The following RMST variants were observed in gnomAD, a reference collection of about 807,000 sequenced individuals.
RMST encodes the protein rhabdomyosarcoma 2 associated transcript.
intron 11 of RMST, among the ~76,000 whole-genome samples, chr12:97,547,000 A>G (rs1025523124): frequency 5.9e-5 from 9 of 151,648 alleles, no homozygotes; most frequent in Non-Finnish European, 1.3e-4. Flanking sequence ...CTATCTTTCT[A>G]TGAGTTAAAC....
At chr12:97,484,207 A>G (rs79785314) in intron 5 of RMST, among the ~76,000 whole-genome samples, 3,245 of 152,248 alleles carry the variant, frequency 0.021, 123 homozygotes, top group African/African-American at 0.074. Context: ...ATTTTTGTAT[A>G]AATGTGTGTG....
intron 5 of RMST, among the ~76,000 whole-genome samples, chr12:97,466,143 A>G (rs1873154985): frequency 6.6e-6 from 1 of 152,218 alleles, no homozygotes; most frequent in African/African-American, 2.4e-5. Flanking sequence ...TAAAGGAGCC[A>G]ATAAGCATGC....
At chr12:97,474,732 GA>G (rs79088838) in intron 5 of RMST, among the ~76,000 whole-genome samples, 21,616 of 151,146 alleles carry the variant, frequency 0.14, 1,552 homozygotes, top group East Asian at 0.16. Flanking sequence ...AAAATATGTG[GA>G]AAAAAAATTG....
intron 5 of RMST, among the ~76,000 whole-genome samples, chr12:97,469,186 G>T (rs938976661): frequency 7.4e-6 from 1 of 135,636 alleles, no homozygotes; most frequent in African/African-American, 2.9e-5. Flanking sequence ...GTGTGTATGT[G>T]TGTATATATA....
intron 5 of RMST, among the ~76,000 whole-genome samples, chr12:97,491,056 T>C (rs1379747304): frequency 6.6e-6 from 1 of 152,230 alleles, no homozygotes; most frequent in East Asian, 1.9e-4. Flanking sequence ...GTGTATGTCA[T>C]AGATAACAGT....
intron 10 of RMST, among the ~76,000 whole-genome samples, chr12:97,502,324 C>T (rs1261557263): frequency 6.6e-6 from 1 of 152,122 alleles, no homozygotes; most frequent in African/African-American, 2.4e-5. Flanking sequence ...ATGGAGTGCA[C>T]ACTTATGCAC....
intron 4 of RMST, among the ~76,000 whole-genome samples, chr12:97,464,144 G>A (rs1473610128): frequency 6.6e-6 from 1 of 152,170 alleles, no homozygotes; most frequent in African/African-American, 2.4e-5. Context: ...ACACATAGAT[G>A]AGAATTCTTT....
At chr12:97,524,011 G>A (rs1880797831) in intron 10 of RMST, among the ~76,000 whole-genome samples, 1 of 140,016 alleles carries the variant, frequency 7.1e-6, no homozygotes, top group Non-Finnish European at 1.5e-5. Context: ...GGGAGGCGGA[G>A]CTTGCAGTGA....
At chr12:97,512,096 T>C (rs1364698048) in intron 10 of RMST, among the ~76,000 whole-genome samples, 1 of 152,150 alleles carries the variant, frequency 6.6e-6, no homozygotes, top group African/African-American at 2.4e-5. Flanking sequence ...CGTTCGGATG[T>C]GTTCAGAGTT....
intron 5 of RMST, among the ~76,000 whole-genome samples, chr12:97,472,381 G>A (rs1192719069): frequency 1.3e-5 from 2 of 152,050 alleles, no homozygotes; most frequent in African/African-American, 4.8e-5. Context: ...ATATGGTATA[G>A]TGCAGAATGC....
At chr12:97,521,937 G>C (rs1880557893) in intron 10 of RMST, among the ~76,000 whole-genome samples, 1 of 152,062 alleles carries the variant, frequency 6.6e-6, no homozygotes, top group African/African-American at 2.4e-5. Flanking sequence ...CCCTGATTTT[G>C]TTTGTTTTAG....
intron 10 of RMST, among the ~76,000 whole-genome samples, chr12:97,519,214 G>A (rs1395118782): frequency 6.6e-6 from 1 of 152,064 alleles, no homozygotes; most frequent in Non-Finnish European, 1.5e-5. Context: ...TCTTCTCTTT[G>A]TCTCTGACAG....
At chr12:97,553,545 A>T (rs1883462249) in intron 11 of RMST, among the ~76,000 whole-genome samples, 1 of 152,270 alleles carries the variant, frequency 6.6e-6, no homozygotes, top group Non-Finnish European at 1.5e-5. Context: ...AGGTGGTTGC[A>T]GGTTGTGGGC....
chr12:97,497,773 A>G (rs1877614202), intron 10 of RMST, among the ~76,000 whole-genome samples: 1 of 152,068 alleles, frequency 6.6e-6, no homozygotes, highest in Non-Finnish European at 1.5e-5. Context: ...AAACACATAT[A>G]ATGTGAATTA....
intron 10 of RMST, among the ~76,000 whole-genome samples, chr12:97,524,095 A>AAAAAAAAAAAAAAAAAAAAAAAAAC (rs1211291403): frequency 6.8e-6 from 1 of 147,266 alleles, no homozygotes; most frequent in Non-Finnish European, 1.5e-5. Context: ...AAAAAAAAAA[A>AAAAAAAAAAAAAAAAAAAAAAAAAC]AAAAAAAATC....
intron 11 of RMST, among the ~76,000 whole-genome samples, chr12:97,555,466 G>A (rs1883636717): frequency 1.3e-5 from 2 of 152,248 alleles, no homozygotes; most frequent in South Asian, 4.1e-4. Context: ...TTAGCATATA[G>A]TAGAGGCTAA....
intron 5 of RMST, among the ~76,000 whole-genome samples, chr12:97,473,203 T>C (rs1296376195): frequency 3.3e-5 from 5 of 152,110 alleles, no homozygotes; most frequent in Admixed American, 6.6e-5. Flanking sequence ...TAAAGGCTAA[T>C]TCTTGGAAAT....
intron 11 of RMST, among the ~76,000 whole-genome samples, chr12:97,555,785 T>C (rs1222402421): frequency 6.6e-6 from 1 of 152,260 alleles, no homozygotes; most frequent in African/African-American, 2.4e-5. Flanking sequence ...GCAGTAATGC[T>C]GTGCAGGAAA....
At chr12:97,530,118 C>T in intron 10 of RMST, among the ~76,000 whole-genome samples, 1 of 152,080 alleles carries the variant, frequency 6.6e-6, no homozygotes, top group Non-Finnish European at 1.5e-5. Flanking sequence ...AAAGCTGGCT[C>T]TGCTGGGTAA....
Sources: gnomAD v4.1 joint callset for allele counts (sites outside exome capture counted in the v4.1 genomes callset) on GRCh38, gnomAD v4.1.1 for gene constraint, MANE v1.5 for transcripts, NCBI Gene and HGNC (gene_info 2026-07-23, HGNC 2026-07-21) for gene names.